The following KIF11 variants were observed in gnomAD, a reference collection of about 807,000 sequenced individuals.
The protein encoded by KIF11 is kinesin-like protein KIF11.
A neutral mutation model predicts 121.0 loss-of-function variants in KIF11; 9 were observed. That is an observed-to-expected ratio of 0.07 (90% confidence interval 0.04 to 0.13). The LOEUF (loss-of-function observed/expected upper bound fraction) is 0.13. Ranked by LOEUF, KIF11 falls within the 10% of genes least tolerant of loss-of-function variation. The probability of loss-of-function intolerance (pLI) is 1.00; values close to 1 mark genes in which losing one functional copy is unlikely to be tolerated. For missense variants in KIF11, 846 were observed against 1,217.5 expected (o/e 0.69, Z 4.54); for synonymous variants, 408 against 421.0 (o/e 0.97, Z 0.38).
At chr10:92,599,266 C>T (rs1844338517) in intron 1 of KIF11, among the ~76,000 whole-genome samples, 1 of 151,688 alleles carries the variant, frequency 6.6e-6, no homozygotes, top group South Asian at 2.1e-4. Flanking sequence ...CCTGTTATCC[C>T]AGCACTTTGG....
chr10:92,612,557 A>G (rs1434500549), intron 6 of KIF11, among the ~76,000 whole-genome samples: 1 of 152,224 alleles, frequency 6.6e-6, no homozygotes, highest in African/African-American at 2.4e-5. Flanking sequence ...GATAGGAGTC[A>G]TCTATTTCTG....
At chr10:92,616,593 G>A in intron 8 of KIF11, 144 bp from the exon 9 acceptor site, 1 of 481,538 alleles carries the variant, frequency 2.1e-6, no homozygotes. Flanking sequence ...TAAAGGTTGG[G>A]CATAGTGGTC....
At chr10:92,626,356 T>C (rs962708485) in intron 10 of KIF11, among the ~76,000 whole-genome samples, 1 of 152,212 alleles carries the variant, frequency 6.6e-6, no homozygotes, top group Non-Finnish European at 1.5e-5. Flanking sequence ...TGCCTATCCA[T>C]GTGCAGAATA....
Position 92,643,535 on chromosome 10 carries a change from T to C in KIF11, c.2268-1828T>C, listed in dbSNP as rs1313178505. On this transcript the variant is annotated intron_variant, in intron 17 of 21. Coordinates refer to ENST00000260731, the MANE Select transcript of KIF11 (RefSeq NM_004523.4). ...TACTTGAATTGCTTTATCTATTTTC[T>C]TTTTTAATGTATCTACTAGATTTTT... Among the ~76,000 whole-genome samples the C allele has an allele frequency of 3.3e-5, 5 of 151,958 alleles. No homozygotes were observed. In the South Asian group the frequency reaches 6.2e-4, roughly 19 times the overall value.
At chr10:92,619,224 G>T (rs1049113908) in intron 9 of KIF11, among the ~76,000 whole-genome samples, 1 of 152,114 alleles carries the variant, frequency 6.6e-6, no homozygotes, top group Middle Eastern at 3.4e-3. Flanking sequence ...CACCATGTTC[G>T]CCAGGCTGGG....
At position 92,649,837 on chromosome 10, in the gene KIF11, A is replaced by T. The variant is rs771728627; in HGVS notation, c.2773A>T (p.Thr925Ser). 8 of 1,602,520 alleles carry T rather than the reference A, an allele frequency of 5.0e-6. No homozygotes were observed. Among genetic ancestry groups the T allele is most frequent in the Non-Finnish European group, 6.8e-6 (8 of 1,171,480 alleles). The change falls in exon 20 of 22, where the codon ACG becomes TCG. Residue 925 changes from threonine (T) to serine (S), a missense_variant and splice_region_variant. Physicochemically the swap from Thr to Ser is moderately conservative, Grantham distance 58. This residue lies in a region of KIF11 where 492 missense variants were observed against 603.4 expected (regional missense o/e 0.82). Transcript: ENST00000260731. ...QDLKLDIPTG[T>S]TPQRKSYLYP... ...CTCTTATCTAATGTCCGTTAAAGGT[A>T]CGACACCACAGAGGAAAAGTTATTT...
At chr10:92,593,697 A>G (rs1156686404) in intron 1 of KIF11, among the ~76,000 whole-genome samples, 1 of 152,198 alleles carries the variant, frequency 6.6e-6, no homozygotes, top group Non-Finnish European at 1.5e-5. Flanking sequence ...AACTATAGTC[A>G]ATAAAGATGT....
intron 9 of KIF11, among the ~76,000 whole-genome samples, chr10:92,618,138 A>G (rs1844578812): frequency 6.6e-6 from 1 of 152,150 alleles, no homozygotes; most frequent in Non-Finnish European, 1.5e-5. Context: ...TGAAATGTCT[A>G]TTCAAATGCT....
At chr10:92,631,667 T>A (rs1007011715) in intron 12 of KIF11, among the ~76,000 whole-genome samples, 2 of 130,244 alleles carry the variant, frequency 1.5e-5, no homozygotes, top group Non-Finnish European at 3.3e-5. Flanking sequence ...GGCCTTTAAT[T>A]TTTTATTAGT....
chr10:92,630,645 A>G (rs1400624391), intron 12 of KIF11, among the ~76,000 whole-genome samples: 1 of 152,120 alleles, frequency 6.6e-6, no homozygotes, highest in Non-Finnish European at 1.5e-5. Context: ...AGGTGGGTGG[A>G]TGACCTGAGG....
chr10:92,645,951 T>TC (rs1491476074), intron 18 of KIF11, among the ~76,000 whole-genome samples: 2 of 21,172 alleles, frequency 9.4e-5, no homozygotes, highest in Non-Finnish European at 1.5e-4. Context: ...TTATATATGC[T>TC]TTTTTTTTTT....
intron 9 of KIF11, among the ~76,000 whole-genome samples, chr10:92,618,507 G>A (rs183126115): frequency 7.9e-5 from 12 of 151,550 alleles, no homozygotes; most frequent in African/African-American, 1.9e-4. Flanking sequence ...TTAGCTGAGC[G>A]TAGTGGCACG....
At chr10:92,601,197 T>G (rs1039606753) in intron 1 of KIF11, among the ~76,000 whole-genome samples, 1 of 150,074 alleles carries the variant, frequency 6.7e-6, no homozygotes, top group African/African-American at 2.5e-5. Context: ...CTTTTATTTT[T>G]ATTTTTCTTC....
At chr10:92,637,136 A>C in intron 14 of KIF11, 48 bp from the exon 15 acceptor site, 1 of 1,452,932 alleles carries the variant, frequency 6.9e-7, no homozygotes, top group African/African-American at 1.5e-5. Context: ...GGTTTACAGA[A>C]GTGGAAATAT....
At chr10:92,605,629 G>A (rs1003029143) in intron 1 of KIF11, among the ~76,000 whole-genome samples, 31 of 151,860 alleles carry the variant, frequency 2.0e-4, no homozygotes. Context: ...AGGGATTACA[G>A]GCATGCACCA....
intron 11 of KIF11, among the ~76,000 whole-genome samples, chr10:92,629,674 T>C (rs1194128638): frequency 6.6e-6 from 1 of 152,144 alleles, no homozygotes; most frequent in Non-Finnish European, 1.5e-5. Context: ...AGTGCAGTGG[T>C]GTAATCATAT....
intron 11 of KIF11, among the ~76,000 whole-genome samples, chr10:92,629,433 G>A (rs1312450094): frequency 6.6e-6 from 1 of 152,018 alleles, no homozygotes; most frequent in African/African-American, 2.4e-5. Context: ...TAACTGAATT[G>A]TTTGATTTTG....
intron 10 of KIF11, among the ~76,000 whole-genome samples, chr10:92,625,456 C>T (rs1164482560): frequency 6.6e-6 from 1 of 151,540 alleles, no homozygotes; most frequent in South Asian, 2.1e-4. Flanking sequence ...TCAAGCGATT[C>T]TCCTGCCTCA....
intron 6 of KIF11, among the ~76,000 whole-genome samples, chr10:92,611,252 C>T (rs1329173955): frequency 6.6e-6 from 1 of 151,774 alleles, no homozygotes; most frequent in East Asian, 1.9e-4. Context: ...TCTCTCTGTC[C>T]CCCAGGCTGG....
Sources: allele counts gnomAD v4.1 joint callset (sites outside exome capture counted in the v4.1 genomes callset), GRCh38; gene constraint gnomAD v4.1.1; regional missense constraint gnomAD v4.1.1; transcripts MANE v1.5; gene names NCBI Gene and HGNC (gene_info 2026-07-23, HGNC 2026-07-21).